The following BCAS1 variants were observed in gnomAD, a reference collection of about 807,000 sequenced individuals.
BCAS1 encodes brain enriched myelin associated protein 1.
BCAS1 carries 46 observed loss-of-function variants against 65.4 expected under a neutral mutation model. The ratio of observed to expected loss-of-function variants is 0.70; its 90% CI spans 0.55 to 0.90. BCAS1 has a LOEUF of 0.90. BCAS1 is among the 40% of genes least tolerant of loss of function. The pLI is 0.00. For synonymous variants in BCAS1, 298 were observed against 293.5 expected, an observed-to-expected ratio of 1.02 and a Z score of -0.16; for missense variants, 793 against 771.2, an observed-to-expected ratio of 1.03 and a Z score of -0.33.
chr20:54,044,338 A>G (rs560066646), intron 3 of BCAS1, among the ~76,000 whole-genome samples: 1 of 152,132 alleles, frequency 6.6e-6, no homozygotes, highest in Non-Finnish European at 1.5e-5. Flanking sequence ...TTGGAGCCCA[A>G]CTGTGCTGCC....
At chr20:54,059,411 G>A (rs572220798) in intron 1 of BCAS1, among the ~76,000 whole-genome samples, 9 of 152,136 alleles carry the variant, frequency 5.9e-5, no homozygotes, top group African/African-American at 2.2e-4. Context: ...ATTTTAGAAT[G>A]AGGGTAATTG....
intron 10 of BCAS1, among the ~76,000 whole-genome samples, chr20:53,958,860 C>A (rs2089783684): frequency 6.6e-6 from 1 of 152,184 alleles, no homozygotes; most frequent in African/African-American, 2.4e-5. Context: ...GGACAGCAGG[C>A]AATGACTCCA....
At chr20:54,047,197 C>G (rs1484747267) in intron 3 of BCAS1, among the ~76,000 whole-genome samples, 2 of 152,166 alleles carry the variant, frequency 1.3e-5, no homozygotes, top group East Asian at 3.8e-4. Flanking sequence ...CAGGGTAGAA[C>G]TTCTGATATT....
intron 10 of BCAS1, among the ~76,000 whole-genome samples, chr20:53,966,048 C>A (rs1688187643): frequency 6.6e-6 from 1 of 152,102 alleles, no homozygotes; most frequent in African/African-American, 2.4e-5. Flanking sequence ...ACTAGTACAA[C>A]CACTATAGAA....
intron 9 of BCAS1, 48 bp downstream of exon 9, chr20:53,975,341 G>A: frequency 6.4e-7 from 1 of 1,564,802 alleles, no homozygotes; most frequent in Non-Finnish European, 8.8e-7. Context: ...TGTACAACAT[G>A]GCGGAAGATG....
rs186913095 is a variant in BCAS1 at position 54,017,920 on chromosome 20, C to A, written c.723+10472G>T. Among the ~76,000 whole-genome samples, 12 of 152,186 alleles carry A rather than the reference C, an allele frequency of 7.9e-5. No homozygotes were observed. The East Asian group carries it at 2.3e-3, about 29-fold the overall frequency. On this transcript the variant is annotated intron_variant, in intron 4 of 12. Coordinates refer to ENST00000688948, the MANE Select transcript of BCAS1 (RefSeq NM_001366298.2). ...CAAACAAACAAAAACAAAAAACAAA[C>A]AAAAACCACACCAGAAAACCTGCCT... is the stretch of plus-strand genomic sequence containing the variant.
At chr20:54,058,825 A>G (rs2092339207) in intron 1 of BCAS1, 102 bp from the exon 2 acceptor site, 1 of 1,316,208 alleles carries the variant, frequency 7.6e-7, no homozygotes, top group East Asian at 2.3e-5. Flanking sequence ...CCATGGCTGT[A>G]TTATCATCAG....
chr20:53,946,578 G>A (rs185334769), intron 12 of BCAS1, among the ~76,000 whole-genome samples: 81 of 150,736 alleles, frequency 5.4e-4, no homozygotes, highest in African/African-American at 1.9e-3. Context: ...TTGTAGCATA[G>A]TATATATAGA....
chr20:54,046,528 CAAAAAAAAA>C (rs71196442), intron 3 of BCAS1, among the ~76,000 whole-genome samples: 1 of 54,208 alleles, frequency 1.8e-5, no homozygotes, highest in Admixed American at 2.4e-4. Flanking sequence ...GACTCCATCT[CAAAAAAAAA>C]AAAAAAAAAA....
At chr20:54,068,660 C>T (rs1002927370) in intron 1 of BCAS1, among the ~76,000 whole-genome samples, 2 of 152,168 alleles carry the variant, frequency 1.3e-5, no homozygotes, top group African/African-American at 4.8e-5. Flanking sequence ...GGGTAGGCAC[C>T]TTACTAGTCC....
intron 7 of BCAS1, among the ~76,000 whole-genome samples, chr20:53,986,798 A>C (rs2090626594): frequency 6.6e-6 from 1 of 152,156 alleles, no homozygotes; most frequent in South Asian, 2.1e-4. Context: ...TTGGAGGCTG[A>C]GGCAGGAGGA....
At position 54,064,550 on chromosome 20, in the gene BCAS1, G is replaced by A. The variant is rs750200972; in HGVS notation, c.-5-5827C>T. The stretch of plus-strand genomic sequence containing the variant: ...CAGCTTCCCTTCCCCCAGAACTGGC[G>A]GGCAGGGCAGGCTTTCCAGCTGGTT... On this transcript the variant is annotated intron_variant, in intron 1 of 12. Transcript: ENST00000688948. Among the ~76,000 whole-genome samples, 80 of 152,296 alleles carry A rather than the reference G, an allele frequency of 5.3e-4. 1 individual carries two copies. Among genetic ancestry groups the A allele is most frequent in the Middle Eastern group, 3.4e-3 (1 of 294 alleles).
chr20:54,051,121 G>T (rs1399798344), intron 3 of BCAS1, among the ~76,000 whole-genome samples: 1 of 152,116 alleles, frequency 6.6e-6, no homozygotes, highest in Non-Finnish European at 1.5e-5. Flanking sequence ...AGGGGTTGTG[G>T]CACCTCCGTG....
At chr20:54,033,079 A>T (rs1048703796) in intron 3 of BCAS1, among the ~76,000 whole-genome samples, 1 of 151,314 alleles carries the variant, frequency 6.6e-6, no homozygotes, top group Non-Finnish European at 1.5e-5. Flanking sequence ...TTAAGGCAGA[A>T]ATCAAGAAGT....
At chr20:54,020,054 T>C (rs981462384) in intron 4 of BCAS1, among the ~76,000 whole-genome samples, 1 of 152,240 alleles carries the variant, frequency 6.6e-6, no homozygotes, top group Non-Finnish European at 1.5e-5. Flanking sequence ...CCCTGACTAA[T>C]ACAACTAACT....
chr20:54,010,379 A>G (rs2091293404), intron 4 of BCAS1, among the ~76,000 whole-genome samples: 1 of 152,192 alleles, frequency 6.6e-6, no homozygotes, highest in Non-Finnish European at 1.5e-5. Context: ...CCTAGAATTA[A>G]TAATTGAGTT....
rs770011017 is a variant in BCAS1 at position 53,992,521 on chromosome 20, A to G, written c.1053T>C (p.Phe351=). ...TTAATAAGATACAGACCTTATGCCT[A>G]AAGAATTTTCTAAAGGCGAGTCCTA... is the stretch of plus-strand genomic sequence containing the variant. ...PRLGLAFRKF[F]RHKGAEKSPT... The change falls in exon 7 of 13, where the codon TTT becomes TTC. Residue 351 remains phenylalanine, a synonymous_variant. Coordinates refer to ENST00000688948, the MANE Select transcript of BCAS1 (RefSeq NM_001366298.2). 7.3e-6 allele frequency: 10 copies of G among 1,365,586 alleles called. No individual in the cohort carries two copies. The African/African-American group carries it at 1.3e-4, about 18-fold the overall frequency. 84.6% of individuals were successfully genotyped at this position (1,365,586 alleles called of 1,614,324 possible). A position where few individuals can be genotyped will look rare whatever the true frequency, so the allele number is the denominator to read the frequency against.
At chr20:54,069,888 G>GA (rs1247852903) in intron 1 of BCAS1, among the ~76,000 whole-genome samples, 1 of 152,210 alleles carries the variant, frequency 6.6e-6, no homozygotes, top group Non-Finnish European at 1.5e-5. Context: ...GGTTCAGAGG[G>GA]AGATGTAAAC....
rs573126615 is a variant in BCAS1 at position 53,976,415 on chromosome 20, T to C, written c.1276-985A>G. On this transcript the variant is annotated intron_variant, in intron 8 of 12. Transcript: ENST00000688948. ...ACTCTGTCTATATCCATTTTGTTACTAAGTCCTATTTTTTTTTTTCCTTTA... is the reference window on the plus strand; with the variant it reads ...ACTCTGTCTATATCCATTTTGTTACCAAGTCCTATTTTTTTTTTTCCTTTA... 3.3e-5 allele frequency among the ~76,000 whole-genome samples: 5 copies of C among 151,750 alleles called. No homozygotes were observed. The South Asian group carries it at 1.1e-3, about 32-fold the overall frequency.
Sources: gnomAD v4.1 joint callset for allele counts (sites outside exome capture counted in the v4.1 genomes callset) on GRCh38, gnomAD v4.1.1 for gene constraint, MANE v1.5 for transcripts, NCBI Gene and HGNC (gene_info 2026-07-23, HGNC 2026-07-21) for gene names.